FNDC1: variants seen among roughly 807,000 people sequenced by gnomAD.
The protein encoded by FNDC1 is fibronectin type III domain containing 1.
In FNDC1, 96 loss-of-function variants were observed where a neutral mutation model predicts 168.0. The observed-to-expected ratio is 0.57, with a 90% confidence interval of 0.48 to 0.68. FNDC1 has a LOEUF of 0.68. Among genes scored for constraint, FNDC1 ranks in the 30% least tolerant of loss-of-function variants. FNDC1 has a pLI of 0.00. For synonymous variants in FNDC1, 1,099 were observed against 1,025.9 expected, an observed-to-expected ratio of 1.07 and a Z score of -1.36; for missense variants, 2,587 against 2,482.1, an observed-to-expected ratio of 1.04 and a Z score of -0.90.
At chr6:159,264,875 A>T in intron 19 of FNDC1, 100 bp from the exon 20 acceptor site, 1 of 923,010 alleles carries the variant, frequency 1.1e-6, no homozygotes, top group South Asian at 1.8e-5. Context: ...CTTTTTCTTT[A>T]TTCTAATTTG....
intron 1 of FNDC1, among the ~76,000 whole-genome samples, chr6:159,170,713 A>T (rs568921918): frequency 6.6e-6 from 1 of 152,240 alleles, no homozygotes; most frequent in East Asian, 1.9e-4. Context: ...GGATCACATT[A>T]CTTTGTGACT....
chr6:159,197,391 C>T (rs1451734708), intron 1 of FNDC1, 40 bp from the exon 2 acceptor site: 12 of 1,540,734 alleles, frequency 7.8e-6, no homozygotes, highest in Non-Finnish European at 1.0e-5. Context: ...TTTTCCCAAT[C>T]TGTTATTGCC....
chr6:159,255,168 C>T (rs551245106), intron 17 of FNDC1, among the ~76,000 whole-genome samples: 5 of 152,316 alleles, frequency 3.3e-5, no homozygotes, highest in Admixed American at 6.5e-5. Context: ...CCTAGCTTGG[C>T]CCAAGGGTGC....
At chr6:159,187,607 T>C (rs1254647483) in intron 1 of FNDC1, among the ~76,000 whole-genome samples, 1 of 152,082 alleles carries the variant, frequency 6.6e-6, no homozygotes, top group Non-Finnish European at 1.5e-5. Flanking sequence ...TCGGGGAAAA[T>C]TCAATCCACC....
Position 159,239,520 on chromosome 6 carries a change from T to G in FNDC1, c.4184T>G (p.Leu1395Arg), listed in dbSNP as rs1295279003. 1.9e-6 allele frequency: 3 copies of G among 1,584,792 alleles called. No individual in the cohort carries two copies. The highest frequency in any genetic ancestry group is 2.6e-6 in the Non-Finnish European group (3 of 1,163,104). The change falls in exon 14 of 23, where the codon CTG becomes CGG. Residue 1395 changes from leucine to arginine, a missense_variant. By Grantham distance (102) the Leu-to-Arg change is moderately radical. Transcript: ENST00000297267. Reference protein sequence around the residue: ...LGGDGRTIVDLEGTPVVSPDG... With the variant: ...LGGDGRTIVDREGTPVVSPDG... ...CTATTGGTTGATTTTGTTTCAGATC[T>G]GGAAGGGACCCCCGTGGTGAGTCCT...
chr6:159,209,797 C>CT (rs1373643034), intron 4 of FNDC1, among the ~76,000 whole-genome samples: 1 of 152,124 alleles, frequency 6.6e-6, no homozygotes, highest in Non-Finnish European at 1.5e-5. Flanking sequence ...TTTTCTTTCT[C>CT]TTTTTCATCC....
At chr6:159,231,231 C>T (rs1280387439) in intron 10 of FNDC1, among the ~76,000 whole-genome samples, 1 of 80,318 alleles carries the variant, frequency 1.2e-5, no homozygotes, top group African/African-American at 3.0e-5. Context: ...AAAAATTAGC[C>T]GGGCGCGGTG....
chr6:159,170,350 A>G (rs957674660), intron 1 of FNDC1, among the ~76,000 whole-genome samples: 1 of 152,222 alleles, frequency 6.6e-6, no homozygotes, highest in Non-Finnish European at 1.5e-5. Context: ...AGCTGATTCC[A>G]GAGAAACTCG....
Position 159,215,114 on chromosome 6 carries a change from G to A in FNDC1, c.630G>A (p.Leu210=). The A allele has an allele frequency of 6.2e-7, 1 of 1,614,034 alleles. No individual in the cohort carries two copies. Among genetic ancestry groups the A allele is most frequent in the Non-Finnish European group, 8.5e-7 (1 of 1,179,892 alleles). ...ESGRKMNYVP[L]TRDERTHEIK... is the part of the protein sequence containing the mutation. ...GCCGGAAGATGAATTATGTTCCACT[G>A]ACAAGAGATGAACGGACACACGAAA... Residue 210 remains leucine (L), a synonymous_variant, in exon 5 of 23, where the codon CTG becomes CTA. Transcript: ENST00000297267.
rs1409560047 is a variant in FNDC1, at chr6:159,226,528, A to T, written c.1128A>T (p.Thr376=). 6.2e-7 allele frequency: 1 copy of T among 1,611,878 alleles called. No homozygotes were observed. Among genetic ancestry groups the T allele is most frequent in the African/African-American group, 1.3e-5 (1 of 74,878 alleles). The part of the protein sequence containing the change: ...LNVWPVNGKP[T]VVAASWDALP... ...TCTGGCCAGTCAATGGCAAACCTAC[A>T]GTTGTCGCTGCATCTTGGGATGCGC... Residue 376 remains threonine (T), a synonymous_variant, in exon 9 of 23, where the codon ACA becomes ACT. Coordinates refer to ENST00000297267, the MANE Select transcript of FNDC1 (RefSeq NM_032532.3).
Position 159,221,452 on chromosome 6 carries a change from C to T in FNDC1, c.668-146C>T, listed in dbSNP as rs140207862. On this transcript the variant is annotated intron_variant, in intron 5 of 22. Coordinates refer to ENST00000297267, the MANE Select transcript of FNDC1 (RefSeq NM_032532.3). ...AGTTCTTGGGCTCGCCCTTCATAGT[C>T]CTCAAGAAGTGGGAATACCCCCAGA... 745 of 649,364 alleles carry T rather than the reference C, an allele frequency of 1.1e-3. 3 individuals carry two copies. The African/African-American group carries it at 0.012, about 11-fold the overall frequency. The allele number at this position is 649,364 out of a possible 1,614,324, so 40.2% of individuals were successfully genotyped here.
intron 1 of FNDC1, among the ~76,000 whole-genome samples, chr6:159,174,356 C>T (rs976303212): frequency 1.3e-5 from 2 of 152,238 alleles, no homozygotes; most frequent in Non-Finnish European, 2.9e-5. Flanking sequence ...CCCCGTTTTC[C>T]TCCCTCCTAA....
chr6:159,192,815 C>G (rs1161368108), intron 1 of FNDC1, among the ~76,000 whole-genome samples: 1 of 152,102 alleles, frequency 6.6e-6, no homozygotes, highest in East Asian at 1.9e-4. Flanking sequence ...TCTTGGAGCC[C>G]AGGACAGCTT....
chr6:159,233,169 C>T lies in FNDC1; in HGVS notation c.2657C>T (p.Pro886Leu), dbSNP rs1783141995. Reference sequence around the variant, plus strand: ...GACGAGGAGGATGAGAAGCCGCTTCCTGCCACCGTTGTCAATGACCACGTG... The same window carrying T: ...GACGAGGAGGATGAGAAGCCGCTTCTTGCCACCGTTGTCAATGACCACGTG... ...HGDEEDEKPLPATVVNDHVPS... is the reference protein window; with the variant it reads ...HGDEEDEKPLLATVVNDHVPS... The change falls in exon 11 of 23, where the codon CCT becomes CTT. Residue 886 changes from proline (P) to leucine (L), a missense_variant. Physicochemically the swap from Pro to Leu is moderately conservative, Grantham distance 98 (BLOSUM62 -3). Coordinates refer to ENST00000297267, the MANE Select transcript of FNDC1 (RefSeq NM_032532.3). The surrounding 1 kb of genome is among the most constrained non-coding windows in gnomAD (Gnocchi z 4.6). The T allele has an allele frequency of 1.2e-6, 2 of 1,609,368 alleles. No homozygotes were observed. The highest frequency in any genetic ancestry group is 1.3e-5 in the African/African-American group (1 of 74,912).
In FNDC1 at chr6:159,239,965, C is replaced by T. The variant is rs1783382181; in HGVS notation, c.4621+8C>T. 1 of 1,471,074 alleles carries T rather than the reference C, an allele frequency of 6.8e-7. No individual in the cohort carries two copies. Among genetic ancestry groups the T allele is most frequent in the African/African-American group, 1.4e-5 (1 of 70,564 alleles). 91.1% of individuals were successfully genotyped at this position (1,471,074 alleles called of 1,614,324 possible). ...AGTGCTACGCTGAAGAAGGTAACTG[C>T]CTTTGTTCTAATGCTAACTACTTAC... On this transcript the variant is annotated splice_region_variant and intron_variant, in intron 14 of 22. Transcript: ENST00000297267.
At chr6:159,204,631 G>A (rs1782452468) in intron 4 of FNDC1, among the ~76,000 whole-genome samples, 1 of 152,180 alleles carries the variant, frequency 6.6e-6, no homozygotes, top group East Asian at 1.9e-4. Context: ...CTGCTGCAGT[G>A]CTACCTCTGC....
At position 159,271,953 on chromosome 6, in the gene FNDC1, T is replaced by A. The variant is rs1341870493; in HGVS notation, c.*511T>A. On this transcript the variant is annotated 3_prime_UTR_variant, in exon 23 of 23. Coordinates refer to ENST00000297267, the MANE Select transcript of FNDC1 (RefSeq NM_032532.3). ...GAAAATAAATATATCCTACTTGAAA[T>A]TTACTCTATGGACTTACCCACTGCT... The A allele has an allele frequency of 1.3e-5, 2 of 153,860 alleles. No individual in the cohort carries two copies. Among genetic ancestry groups the A allele is most frequent in the Non-Finnish European group, 2.9e-5 (2 of 69,178 alleles). 9.5% of individuals were successfully genotyped at this position (153,860 alleles called of 1,614,324 possible).
chr6:159,239,935 C>A lies in FNDC1; in HGVS notation c.4599C>A (p.Ile1533=), dbSNP rs1583903109. The part of the protein sequence containing the change: ...DGNLIMSSNG[I]PECYAEEDEF... ...ACCTGATAATGAGCTCCAATGGGAT[C>A]CCAGAGTGCTACGCTGAAGAAGGTA... The change falls in exon 14 of 23, where the codon ATC becomes ATA. Residue 1533 remains isoleucine (I), a synonymous_variant. Coordinates refer to ENST00000297267, the MANE Select transcript of FNDC1 (RefSeq NM_032532.3). 6 of 1,498,584 alleles carry A rather than the reference C, an allele frequency of 4.0e-6. No homozygotes were observed. The highest frequency in any genetic ancestry group is 5.4e-6 in the Non-Finnish European group (6 of 1,118,292). 92.8% of individuals were successfully genotyped at this position (1,498,584 alleles called of 1,614,324 possible). A position where few individuals can be genotyped will look rare whatever the true frequency, so the allele number is the denominator to read the frequency against.
At chr6:159,219,388 T>C (rs1319118912) in intron 5 of FNDC1, among the ~76,000 whole-genome samples, 1 of 152,210 alleles carries the variant, frequency 6.6e-6, no homozygotes, top group Non-Finnish European at 1.5e-5. Context: ...AGAGGTCATC[T>C]TGACACCATT....
Sources: allele counts gnomAD v4.1 joint callset (sites outside exome capture counted in the v4.1 genomes callset), GRCh38; gene constraint gnomAD v4.1.1; non-coding constraint Gnocchi (gnomAD v3.1); transcripts MANE v1.5; gene names NCBI Gene and HGNC (gene_info 2026-07-23, HGNC 2026-07-21).